The following C1orf167 variants were observed in gnomAD, a reference collection of about 807,000 sequenced individuals.
C1orf167 encodes uncharacterized protein C1orf167.
In C1orf167, 153 loss-of-function variants were observed where a neutral mutation model predicts 176.5. That is an observed-to-expected ratio of 0.87 (90% CI 0.76 to 0.99). The LOEUF is 0.99. Ranked by LOEUF, C1orf167 falls within the 50% of genes least tolerant of loss-of-function variation. The pLI is 0.00. For missense variants in C1orf167, 1,490 were observed against 1,817.7 expected, an observed-to-expected ratio of 0.82 and a Z score of 3.28; for synonymous variants, 594 against 752.7, an observed-to-expected ratio of 0.79 and a Z score of 3.45.
chr1:11,766,597 T>C lies in C1orf167; in HGVS notation c.811T>C (p.Trp271Arg), dbSNP rs1642808734. ...EPPGAVQQDLWTGGGQPFSAH... is the reference protein window; with the variant it reads ...EPPGAVQQDLRTGGGQPFSAH... ...CCCCGGTGCTGTGCAGCAGGACCTCTGGACCGGCGGCGGCCAGCCATTCTC... is the reference window on the plus strand; with the variant it reads ...CCCCGGTGCTGTGCAGCAGGACCTCCGGACCGGCGGCGGCCAGCCATTCTC... The change falls in exon 3 of 21, where the codon TGG becomes CGG. Residue 271 changes from tryptophan (W) to arginine (R), a missense_variant. Coordinates refer to ENST00000688073, the MANE Select transcript of C1orf167 (RefSeq NM_001010881.2). This position sits in a 1 kb window ranked among gnomAD's most constrained non-coding sequence, Gnocchi z 4.5. The C allele has an allele frequency of 5.5e-6, 7 of 1,274,110 alleles. No individual in the cohort carries two copies. The highest frequency in any genetic ancestry group is 7.1e-6 in the Non-Finnish European group (7 of 980,760). 78.9% of individuals were successfully genotyped at this position (1,274,110 alleles called of 1,614,324 possible). A position where few individuals can be genotyped will look rare whatever the true frequency, so the allele number is the denominator to read the frequency against.
rs992528595 is a variant in C1orf167 at position 11,764,359 on chromosome 1, C to T, written c.-42C>T. 1.2e-5 allele frequency: 15 copies of T among 1,277,182 alleles called. No homozygotes were observed. The highest frequency in any genetic ancestry group is 1.4e-5 in the Non-Finnish European group (14 of 977,756). The allele number at this position is 1,277,182 out of a possible 1,614,324, so 79.1% of individuals were successfully genotyped here. On this transcript the variant is annotated 5_prime_UTR_variant, in exon 2 of 21. Transcript: ENST00000688073. ...CCATCTGATTAAACAGACCAGGCCACTCACTGTGGAGTGGACCAAGGATAC... is the reference window on the plus strand; with the variant it reads ...CCATCTGATTAAACAGACCAGGCCATTCACTGTGGAGTGGACCAAGGATAC...
chr1:11,779,216 C>T, intron 12 of C1orf167, 136 bp downstream of exon 12: 1 of 817,458 alleles, frequency 1.2e-6, no homozygotes, highest in Non-Finnish European at 1.6e-6. Flanking sequence ...CTCCTGTCTT[C>T]CTGCCCCGTC....
rs1485908930 is a variant in C1orf167 at position 11,788,167 on chromosome 1, C to G, written c.3867C>G (p.Ile1289Met). ...KRRLRARSCR[I>M]LEKQAQAHGS... ...TGGCCAGTGCTCGTTCCTGCAGGAT[C>G]CTGGAAAAGCAGGCCCAGGCCCATG... The change falls in exon 19 of 21, where the codon ATC becomes ATG. Residue 1289 changes from isoleucine (I) to methionine (M), a missense_variant. Physicochemically the swap from Ile to Met is conservative, Grantham distance 10. Transcript: ENST00000688073. 7.8e-7 allele frequency: 1 copy of G among 1,290,072 alleles called. No individual in the cohort carries two copies. Among genetic ancestry groups the G allele is most frequent in the Non-Finnish European group, 1.0e-6 (1 of 977,702 alleles). 79.9% of individuals were successfully genotyped at this position (1,290,072 alleles called of 1,614,324 possible). A position where few individuals can be genotyped will look rare whatever the true frequency, so the allele number is the denominator to read the frequency against.
intron 6 of C1orf167, 52 bp downstream of exon 6, chr1:11,769,179 C>A (rs1642935986): frequency 3.1e-6 from 3 of 980,454 alleles, no homozygotes; most frequent in Non-Finnish European, 3.6e-6. Flanking sequence ...CAACTTCCTG[C>A]CTTGCCCCCA....
chr1:11,780,916 G>GGGA (rs1247061003), intron 13 of C1orf167, among the ~76,000 whole-genome samples: 2 of 149,298 alleles, frequency 1.3e-5, no homozygotes, highest in Non-Finnish European at 3.0e-5. Flanking sequence ...GGCCAGTGAA[G>GGGA]GGAGGAGGGA....
intron 8 of C1orf167, among the ~76,000 whole-genome samples, chr1:11,773,695 G>A (rs112539558): frequency 0.028 from 4,240 of 152,180 alleles, 79 homozygotes; most frequent in Non-Finnish European, 0.044. Context: ...GCGACAGAGT[G>A]AGACTCCATC....
Position 11,767,005 on chromosome 1 carries a change from C to A in C1orf167, c.1219C>A (p.Pro407Thr). The A allele has an allele frequency of 8.3e-7, 1 of 1,209,684 alleles. No individual in the cohort carries two copies. The highest frequency in any genetic ancestry group is 1.1e-6 in the Non-Finnish European group (1 of 950,272). The allele number at this position is 1,209,684 out of a possible 1,614,324, so 74.9% of individuals were successfully genotyped here. The change falls in exon 3 of 21, where the codon CCG (proline) becomes ACG (threonine). Residue 407 changes from proline to threonine, a missense_variant. Physicochemically the swap from Pro to Thr is conservative, Grantham distance 38. Coordinates refer to ENST00000688073, the MANE Select transcript of C1orf167 (RefSeq NM_001010881.2). The stretch of plus-strand genomic sequence containing the variant: ...CAAGCAGAAAGGAGAGGAGGGGGCC[C>A]CGAGGGAGCGGGTCCACAGGGAGGA... ...SPKQKGEEGA[P>T]RERVHREEER... is the part of the protein sequence containing the mutation.
intron 8 of C1orf167, among the ~76,000 whole-genome samples, 159 bp downstream of exon 8, chr1:11,772,418 C>T (rs1356672249): frequency 8.1e-6 from 1 of 123,150 alleles, no homozygotes; most frequent in African/African-American, 2.8e-5. Context: ...GCATGTGCCA[C>T]CACGCACAGC....
chr1:11,764,210 C>T, intron 1 of C1orf167, 121 bp from the exon 2 acceptor site: 8 of 380,534 alleles, frequency 2.1e-5, no homozygotes, highest in South Asian at 1.6e-4. Context: ...CAGTGAGGGG[C>T]AGGCCCCAGG....
chr1:11,787,666 T>G, intron 17 of C1orf167, 173 bp downstream of exon 17: 1 of 893,122 alleles, frequency 1.1e-6, no homozygotes, highest in Non-Finnish European at 1.5e-6. Context: ...GAAAACACTT[T>G]GCATTCCTGC....
chr1:11,771,069 A>ATATATATTT (rs1557726938), intron 6 of C1orf167, among the ~76,000 whole-genome samples: 1 of 47,224 alleles, frequency 2.1e-5, no homozygotes, highest in Non-Finnish European at 3.4e-5. Context: ...ATATATATAT[A>ATATATATTT]TTTTTTTTTT....
At chr1:11,781,021 T>TTTTG (rs1643574768) in intron 13 of C1orf167, among the ~76,000 whole-genome samples, 1 of 146,410 alleles carries the variant, frequency 6.8e-6, no homozygotes, top group Non-Finnish European at 1.5e-5. Context: ...TTTTTTTTTT[T>TTTTG]GAGACGATCT....
intron 17 of C1orf167, 158 bp from the exon 18 acceptor site, chr1:11,787,715 G>A (rs3820192): frequency 1.8e-6 from 2 of 1,083,546 alleles, no homozygotes; most frequent in South Asian, 1.7e-5. Flanking sequence ...CAGGCAGCCG[G>A]GAGAGGCTGG....
chr1:11,787,975 G>A lies in C1orf167; in HGVS notation c.3776G>A (p.Gly1259Glu). 3 of 1,304,264 alleles carry A rather than the reference G, an allele frequency of 2.3e-6. No homozygotes were observed. The highest frequency in any genetic ancestry group is 3.0e-6 in the Non-Finnish European group (3 of 988,926). 80.8% of individuals were successfully genotyped at this position (1,304,264 alleles called of 1,614,324 possible). A position where few individuals can be genotyped will look rare whatever the true frequency, so the allele number is the denominator to read the frequency against. Residue 1259 changes from glycine (G) to glutamate (E), a missense_variant, in exon 18 of 21, where the codon GGA becomes GAA. Transcript: ENST00000688073. ...PGLPLWTRDQ[G>E]PRAHSSPEPR... ...CTGCCCCTGTGGACGAGGGACCAGGGACCAAGAGCGCACTCCAGCCCTGAG... is the reference window on the plus strand; with the variant it reads ...CTGCCCCTGTGGACGAGGGACCAGGAACCAAGAGCGCACTCCAGCCCTGAG...
chr1:11,775,130 C>CA (rs61464741), intron 8 of C1orf167, among the ~76,000 whole-genome samples: 7 of 151,608 alleles, frequency 4.6e-5, no homozygotes, highest in African/African-American at 1.5e-4. Context: ...ACTAAAAATA[C>CA]AAAAAAAAAT....
intron 1 of C1orf167, 83 bp from the exon 2 acceptor site, chr1:11,764,248 G>A: frequency 2.0e-6 from 1 of 510,556 alleles, no homozygotes; most frequent in South Asian, 1.7e-5. Flanking sequence ...AGAGCAGCTA[G>A]GAGTACTGCT....
chr1:11,785,154 A>G lies in C1orf167; in HGVS notation c.3432A>G (p.Leu1144=), dbSNP rs1242273764. 1 of 1,290,534 alleles carries G rather than the reference A, an allele frequency of 7.7e-7. No individual in the cohort carries two copies. Among genetic ancestry groups the G allele is most frequent in the Non-Finnish European group, 1.0e-6 (1 of 988,346 alleles). 79.9% of individuals were successfully genotyped at this position (1,290,534 alleles called of 1,614,324 possible). ...HASWKPRAWV[L]EASVQSAVRG... ...ACTCCTTCCTCTCCCGCAGGGTCCT[A>G]GAGGCCTCGGTGCAGTCGGCGGTGC... is the stretch of plus-strand genomic sequence containing the variant. Residue 1144 remains leucine, a synonymous_variant, in exon 16 of 21, where the codon CTA becomes CTG. Coordinates refer to ENST00000688073, the MANE Select transcript of C1orf167 (RefSeq NM_001010881.2).
Position 11,766,218 on chromosome 1 carries a change from G to A in C1orf167, c.432G>A (p.Gly144=). ...GCCCAGAGCCTGGGGGAAGCTCTGGGCCCCACAAGCTTCCCTGGGGTCCTC... is the reference window on the plus strand; with the variant it reads ...GCCCAGAGCCTGGGGGAAGCTCTGGACCCCACAAGCTTCCCTGGGGTCCTC... ...HLCPEPGGSS[G]PHKLPWGPLL... Residue 144 remains glycine, a synonymous_variant, in exon 3 of 21, where the codon GGG becomes GGA. Transcript: ENST00000688073. The surrounding 1 kb of genome is among the most constrained non-coding windows in gnomAD (Gnocchi z 4.5). The A allele has an allele frequency of 1.6e-6, 2 of 1,289,710 alleles. No homozygotes were observed. Among genetic ancestry groups the A allele is most frequent in the South Asian group, 1.2e-5 (1 of 81,014 alleles). The allele number at this position is 1,289,710 out of a possible 1,614,324, so 79.9% of individuals were successfully genotyped here. A position where few individuals can be genotyped will look rare whatever the true frequency, so the allele number is the denominator to read the frequency against.
Position 11,768,222 on chromosome 1 carries a change from G to A in C1orf167, c.1489G>A (p.Glu497Lys). ...CTTGTGGCTCCGGGAGGCTCAGCTG[G>A]AGGCAGCATGGGGGCAGTACACAAA... is the stretch of plus-strand genomic sequence containing the variant. ...QALWLREAQLEAAWGQYTKVL... is the reference protein window; with the variant it reads ...QALWLREAQLKAAWGQYTKVL... The change falls in exon 5 of 21, where the codon GAG becomes AAG. Residue 497 changes from glutamate to lysine, a missense_variant. Transcript: ENST00000688073. This position sits in a 1 kb window ranked among gnomAD's most constrained non-coding sequence, Gnocchi z 4.5. 1 of 1,289,922 alleles carries A rather than the reference G, an allele frequency of 7.8e-7. No individual in the cohort carries two copies. Among genetic ancestry groups the A allele is most frequent in the Non-Finnish European group, 1.0e-6 (1 of 988,880 alleles). 79.9% of individuals were successfully genotyped at this position (1,289,922 alleles called of 1,614,324 possible). A position where few individuals can be genotyped will look rare whatever the true frequency, so the allele number is the denominator to read the frequency against.
Sources: allele counts gnomAD v4.1 joint callset (sites outside exome capture counted in the v4.1 genomes callset), GRCh38; gene constraint gnomAD v4.1.1; non-coding constraint Gnocchi (gnomAD v3.1); transcripts MANE v1.5; gene names NCBI Gene and HGNC (gene_info 2026-07-23, HGNC 2026-07-21).